The following ABTB3 variants were observed in gnomAD, a reference collection of about 807,000 sequenced individuals.
ABTB3 encodes ankyrin repeat- and BTB/POZ domain-containing protein 3.
chr12:107,640,763 C>T, the ABTB3 span, among the ~76,000 whole-genome samples: 2 of 152,346 alleles, frequency 1.3e-5, no homozygotes, highest in African/African-American at 4.8e-5. Context: ...TTGGCATAAG[C>T]CACTGAAATT....
At chr12:107,481,937 C>G in the ABTB3 span, among the ~76,000 whole-genome samples, 1 of 142,236 alleles carries the variant, frequency 7.0e-6, no homozygotes, top group Non-Finnish European at 1.6e-5. Flanking sequence ...CTTTCTTTCT[C>G]CCTCTCAGTG....
chr12:107,394,154 GGT>G, the ABTB3 span, among the ~76,000 whole-genome samples: 1 of 152,232 alleles, frequency 6.6e-6, no homozygotes, highest in African/African-American at 2.4e-5. Flanking sequence ...GGTTTCCCCA[GGT>G]AACATGCACA....
chr12:107,614,930 C>G, the ABTB3 span: 1 of 706,820 alleles, frequency 1.4e-6, no homozygotes, highest in Non-Finnish European at 2.4e-6. Flanking sequence ...ATCACCAGCT[C>G]TTCCCGAGGC....
At chr12:107,646,882 C>T in the ABTB3 span, among the ~76,000 whole-genome samples, 36 of 152,012 alleles carry the variant, frequency 2.4e-4, no homozygotes, top group Admixed American at 7.2e-4. Flanking sequence ...TGCAGATGAC[C>T]GCTGACTAGA....
At chr12:107,375,305 C>T in the ABTB3 span, among the ~76,000 whole-genome samples, 1 of 152,018 alleles carries the variant, frequency 6.6e-6, no homozygotes, top group Admixed American at 6.6e-5. Context: ...GTGATCCTGG[C>T]TACCCAGGAG....
the ABTB3 span, among the ~76,000 whole-genome samples, chr12:107,598,976 C>T: frequency 6.6e-6 from 1 of 152,176 alleles, no homozygotes; most frequent in Non-Finnish European, 1.5e-5. Context: ...GACATGGCCT[C>T]AGAATCCCCC....
At chr12:107,548,805 T>C in the ABTB3 span, among the ~76,000 whole-genome samples, 2 of 152,220 alleles carry the variant, frequency 1.3e-5, no homozygotes, top group African/African-American at 4.8e-5. Context: ...AGAATAAGGT[T>C]TCTCTCACCT....
chr12:107,529,213 AGATGAT>A, the ABTB3 span, among the ~76,000 whole-genome samples: 6 of 122,514 alleles, frequency 4.9e-5, no homozygotes, highest in African/African-American at 1.9e-4. Context: ...ATGATGATGG[AGATGAT>A]GATGGTGATG....
chr12:107,330,355 G>T, the ABTB3 span, among the ~76,000 whole-genome samples: 3 of 152,220 alleles, frequency 2.0e-5, no homozygotes, highest in Non-Finnish European at 4.4e-5. Flanking sequence ...GTGAATGTGG[G>T]AAGGCTGGTT....
chr12:107,591,900 G>A, the ABTB3 span, among the ~76,000 whole-genome samples: 1 of 152,182 alleles, frequency 6.6e-6, no homozygotes, highest in East Asian at 1.9e-4. Context: ...CGGTTACATG[G>A]AGAATGTGAC....
At chr12:107,415,199 A>G in the ABTB3 span, among the ~76,000 whole-genome samples, 1 of 152,092 alleles carries the variant, frequency 6.6e-6, no homozygotes, top group Non-Finnish European at 1.5e-5. Flanking sequence ...TTGCCTCTTC[A>G]GAAGGACCTT....
At chr12:107,498,691 G>A in the ABTB3 span, among the ~76,000 whole-genome samples, 13 of 152,026 alleles carry the variant, frequency 8.6e-5, no homozygotes, top group South Asian at 2.7e-3. Context: ...AGGTTTAAAG[G>A]ACCCTTGTGA....
At chr12:107,349,398 A>C in the ABTB3 span, among the ~76,000 whole-genome samples, 2 of 152,182 alleles carry the variant, frequency 1.3e-5, no homozygotes, top group South Asian at 2.1e-4. Context: ...GATGACTCAG[A>C]GTAAGGTGCA....
At chr12:107,570,453 G>A in the ABTB3 span, among the ~76,000 whole-genome samples, 1 of 152,132 alleles carries the variant, frequency 6.6e-6, no homozygotes, top group Admixed American at 6.5e-5. Flanking sequence ...AACCTCAGGT[G>A]ACCAACCCAC....
chr12:107,363,732 T>C, the ABTB3 span, among the ~76,000 whole-genome samples: 1 of 152,226 alleles, frequency 6.6e-6, no homozygotes. Flanking sequence ...AAAAATTACA[T>C]GTCGTGATAA....
At chr12:107,348,815 T>C in the ABTB3 span, among the ~76,000 whole-genome samples, 5 of 152,130 alleles carry the variant, frequency 3.3e-5, no homozygotes, top group African/African-American at 1.2e-4. Context: ...CAGGTAGTAC[T>C]GAGTGATAAG....
the ABTB3 span, among the ~76,000 whole-genome samples, chr12:107,497,444 CCATCACCAT>C: frequency 3.3e-5 from 5 of 151,796 alleles, no homozygotes; most frequent in East Asian, 7.7e-4. Flanking sequence ...ATCATCACCA[CCATCACCAT>C]CATCACAATT....
chr12:107,335,502 G>T, the ABTB3 span, among the ~76,000 whole-genome samples: 2 of 151,968 alleles, frequency 1.3e-5, no homozygotes, highest in Non-Finnish European at 2.9e-5. Flanking sequence ...ATGGATTAAG[G>T]CAGGGAGGCT....
chr12:107,562,894 G>T, the ABTB3 span, among the ~76,000 whole-genome samples: 2 of 152,192 alleles, frequency 1.3e-5, no homozygotes, highest in Non-Finnish European at 2.9e-5. Context: ...TGACACTTTT[G>T]CCAGCCTTTC....
Sources: gnomAD v4.1 joint callset for allele counts (sites outside exome capture counted in the v4.1 genomes callset) on GRCh38, gnomAD v4.1.1 for gene constraint, MANE v1.5 for transcripts, NCBI Gene and HGNC (gene_info 2026-07-23, HGNC 2026-07-21) for gene names.